Variants in LYZL1 observed in about 807,000 individuals in gnomAD.
The protein encoded by LYZL1 is lysozyme like 1, also known as lysozyme-like protein 1.
In LYZL1, 16 loss-of-function variants were observed where a neutral mutation model predicts 17.9. That is an observed-to-expected ratio of 0.90 (90% CI 0.61 to 1.36). The LOEUF (loss-of-function observed/expected upper bound fraction) is 1.36, where lower values mean the gene tolerates loss of function less well. Ranked by LOEUF, LYZL1 falls within the 40% of genes most tolerant of loss-of-function variation. The pLI is 0.00. For synonymous variants in LYZL1, 58 were observed against 71.8 expected, an observed-to-expected ratio of 0.81 and a Z score of 0.97; for missense variants, 149 against 188.4, an observed-to-expected ratio of 0.79 and a Z score of 1.22.
intron 3 of LYZL1, among the ~76,000 whole-genome samples, chr10:29,300,414 T>G (rs1022571717): frequency 1.4e-4 from 21 of 152,210 alleles, no homozygotes; most frequent in African/African-American, 4.6e-4. Context: ...AACAGTATTC[T>G]TTAATTTCTC....
chr10:29,291,014 C>G (rs1027402137), intron 1 of LYZL1, among the ~76,000 whole-genome samples: 1 of 152,100 alleles, frequency 6.6e-6, no homozygotes. Flanking sequence ...TCATCTGTGG[C>G]TGAAATGGGC....
chr10:29,302,889 T>C (rs760109504), intron 3 of LYZL1, among the ~76,000 whole-genome samples: 2 of 152,200 alleles, frequency 1.3e-5, no homozygotes, highest in African/African-American at 2.4e-5. Flanking sequence ...CTAAGTTTAT[T>C]CTGATCAGCG....
downstream of LYZL1, among the ~76,000 whole-genome samples, chr10:29,314,821 G>C (rs978602832): frequency 1.3e-5 from 2 of 152,136 alleles, no homozygotes; most frequent in African/African-American, 4.8e-5. Flanking sequence ...CCTGAGATAC[G>C]GAAGGGGTAA....
chr10:29,306,379 C>T (rs1162624078), intron 3 of LYZL1, among the ~76,000 whole-genome samples: 9 of 143,984 alleles, frequency 6.3e-5, no homozygotes, highest in African/African-American at 1.3e-4. Context: ...TGAAACCCCG[C>T]CTCTACTAAA....
At chr10:29,289,854 C>T (rs1340565581) in intron 1 of LYZL1, among the ~76,000 whole-genome samples, 1 of 152,136 alleles carries the variant, frequency 6.6e-6, no homozygotes, top group Non-Finnish European at 1.5e-5. Context: ...CGGCCTCAAA[C>T]ACAATTACTG....
At chr10:29,307,295 A>G (rs1341284410) in intron 3 of LYZL1, among the ~76,000 whole-genome samples, 1 of 152,174 alleles carries the variant, frequency 6.6e-6, no homozygotes, top group Non-Finnish European at 1.5e-5. Context: ...CTCACCAGCT[A>G]CTGCTCTACT....
chr10:29,290,001 C>T (rs1254617534), intron 1 of LYZL1, among the ~76,000 whole-genome samples: 1 of 152,160 alleles, frequency 6.6e-6, no homozygotes, highest in African/African-American at 2.4e-5. Context: ...AATGTACATG[C>T]CCCTCATGCA....
intron 3 of LYZL1, among the ~76,000 whole-genome samples, chr10:29,309,031 T>C (rs1458054813): frequency 2.6e-5 from 4 of 151,634 alleles, no homozygotes; most frequent in Non-Finnish European, 4.4e-5. Flanking sequence ...ACTTTTTGCA[T>C]ATGAAAAACA....
intron 4 of LYZL1, 119 bp downstream of exon 4, chr10:29,310,307 G>A (rs1308682595): frequency 1.4e-6 from 1 of 720,426 alleles, no homozygotes; most frequent in Non-Finnish European, 2.4e-6. Context: ...CCAATGGAAG[G>A]AGACCTTGTC....
chr10:29,317,157 A>C (rs1835742418), intron 3 of LYZL1, among the ~76,000 whole-genome samples: 1 of 152,192 alleles, frequency 6.6e-6, no homozygotes, highest in African/African-American at 2.4e-5. Context: ...ACAGCATAAC[A>C]GTTACTTACG....
At chr10:29,296,015 C>T (rs1229897227) in intron 3 of LYZL1, among the ~76,000 whole-genome samples, 1 of 152,074 alleles carries the variant, frequency 6.6e-6, no homozygotes, top group Non-Finnish European at 1.5e-5. Flanking sequence ...TGACTTCAGC[C>T]CTGTGAATCC....
intron 3 of LYZL1, among the ~76,000 whole-genome samples, chr10:29,299,990 C>T (rs530192179): frequency 2.0e-5 from 3 of 152,282 alleles, no homozygotes; most frequent in South Asian, 2.1e-4. Context: ...TTGATTGCAA[C>T]TACTCAACCA....
At chr10:29,295,487 A>T (rs1263781227) in intron 3 of LYZL1, among the ~76,000 whole-genome samples, 1 of 152,178 alleles carries the variant, frequency 6.6e-6, no homozygotes, top group Non-Finnish European at 1.5e-5. Flanking sequence ...GGAGTCTTTC[A>T]GTTAAATATG....
chr10:29,299,812 CTTTATA>C (rs1487784462), intron 3 of LYZL1, among the ~76,000 whole-genome samples: 1 of 152,142 alleles, frequency 6.6e-6, no homozygotes, highest in East Asian at 1.9e-4. Context: ...CCATCTGGGT[CTTTATA>C]TTTAAAGTGA....
At chr10:29,307,919 C>T (rs1168256402) in intron 3 of LYZL1, among the ~76,000 whole-genome samples, 2 of 152,142 alleles carry the variant, frequency 1.3e-5, no homozygotes, top group Non-Finnish European at 2.9e-5. Context: ...TTTCCTAAGA[C>T]GTTGAATCCA....
intron 3 of LYZL1, among the ~76,000 whole-genome samples, chr10:29,294,788 T>C (rs1315628482): frequency 6.6e-6 from 1 of 152,214 alleles, no homozygotes; most frequent in South Asian, 2.1e-4. Context: ...CCCCAGCTGA[T>C]GCCTGAAACT....
At chr10:29,298,032 C>T (rs1454171928) in intron 3 of LYZL1, among the ~76,000 whole-genome samples, 28 of 152,184 alleles carry the variant, frequency 1.8e-4, no homozygotes, top group African/African-American at 2.4e-5. Flanking sequence ...TTTCTGAGAA[C>T]CAAGTTGTTA....
chr10:29,303,618 C>T (rs761347864), intron 3 of LYZL1, among the ~76,000 whole-genome samples: 20 of 152,124 alleles, frequency 1.3e-4, no homozygotes, highest in African/African-American at 2.9e-4. Flanking sequence ...AAGTGTTGGA[C>T]GGTTCATGGT....
Position 29,292,609 on chromosome 10 carries a change from T to C in LYZL1, c.230T>C (p.Ile77Thr), listed in dbSNP as rs1399926671. The change falls in exon 3 of 5, where the codon ATC (isoleucine) becomes ACC (threonine). Residue 77 changes from isoleucine to threonine, a missense_variant. By Grantham distance (89) the Ile-to-Thr change is moderately conservative. Transcript: ENST00000649382. ...DGSIDYGIFQ[I>T]NSFAWCRRGK... ...AGCATCGACTATGGCATCTTCCAGA[T>C]CAACAGCTTCGCGTGGTGCAGACGC... is the stretch of plus-strand genomic sequence containing the variant. 1 of 1,614,110 alleles carries C rather than the reference T, an allele frequency of 6.2e-7. No individual in the cohort carries two copies. The highest frequency in any genetic ancestry group is 1.7e-5 in the Admixed American group (1 of 60,024).
Sources: gnomAD v4.1 joint callset for allele counts (sites outside exome capture counted in the v4.1 genomes callset) on GRCh38, gnomAD v4.1.1 for gene constraint, MANE v1.5 for transcripts, NCBI Gene and HGNC (gene_info 2026-07-23, HGNC 2026-07-21) for gene names.